The following HPR variants were observed in gnomAD, a reference collection of about 807,000 sequenced individuals.
The protein encoded by HPR is haptoglobin-related protein.
HPR carries 17 observed loss-of-function variants against 18.5 expected under a neutral mutation model. The ratio of observed to expected loss-of-function variants is 0.92; its 90% confidence interval spans 0.63 to 1.38. The LOEUF (loss-of-function observed/expected upper bound fraction) is 1.38, where lower values mean the gene tolerates loss of function less well. HPR is among the 40% of genes most tolerant of loss of function. The probability of loss-of-function intolerance (pLI) is 0.00; values close to 1 mark genes in which losing one functional copy is unlikely to be tolerated. For synonymous variants in HPR, 176 were observed against 165.0 expected (o/e 1.07, Z -0.51); for missense variants, 457 against 432.4 (o/e 1.06, Z -0.51).
intron 1 of HPR, among the ~76,000 whole-genome samples, chr16:72,069,065 A>G (rs1416156622): frequency 1.3e-5 from 2 of 152,212 alleles, no homozygotes; most frequent in Admixed American, 1.3e-4. Context: ...GTATAAGAAC[A>G]GAGTCAAGAA....
chr16:72,072,863 G>A (rs367896674), intron 1 of HPR, among the ~76,000 whole-genome samples: 9 of 152,300 alleles, frequency 5.9e-5, no homozygotes, highest in East Asian at 5.8e-4. Flanking sequence ...CAGGGGGATT[G>A]TTAAATACAG....
At position 72,077,045 on chromosome 16, in the gene HPR, C is replaced by T; in HGVS notation, c.1011C>T (p.Ile337=). Residue 337 remains isoleucine (I), a synonymous_variant, in exon 5 of 5, where the codon ATC becomes ATT. Coordinates refer to ENST00000540303, the MANE Select transcript of HPR (RefSeq NM_020995.4). The stretch of plus-strand genomic sequence containing the variant: ...GTGTGTATGTGAAGGTGACTTCCAT[C>T]CAGCACTGGGTTCAGAAGACCATAG... The part of the protein sequence containing the change: ...EYGVYVKVTS[I]QHWVQKTIAE... 6.2e-7 allele frequency: 1 copy of T among 1,613,800 alleles called. No homozygotes were observed. The highest frequency in any genetic ancestry group is 8.5e-7 in the Non-Finnish European group (1 of 1,179,916).
At chr16:72,070,330 T>G (rs1171873346) in intron 1 of HPR, among the ~76,000 whole-genome samples, 1 of 152,220 alleles carries the variant, frequency 6.6e-6, no homozygotes, top group African/African-American at 2.4e-5. Flanking sequence ...TTCTCTTCCC[T>G]TAAGACTAAA....
chr16:72,073,226 C>T (rs970841762), intron 1 of HPR, among the ~76,000 whole-genome samples: 1 of 152,302 alleles, frequency 6.6e-6, no homozygotes. Flanking sequence ...GACATAAAAA[C>T]CTCTGCTTTC....
At chr16:72,069,709 T>C (rs1447179181) in intron 1 of HPR, among the ~76,000 whole-genome samples, 1 of 152,194 alleles carries the variant, frequency 6.6e-6, no homozygotes, top group Admixed American at 6.5e-5. Context: ...TTGCTTAATA[T>C]GTAAAAAGAC....
intron 1 of HPR, among the ~76,000 whole-genome samples, chr16:72,071,147 G>C (rs2041651195): frequency 6.6e-6 from 1 of 152,192 alleles, no homozygotes; most frequent in South Asian, 2.1e-4. Context: ...TGGGAAACGA[G>C]TGGAATCTAA....
intron 3 of HPR, chr16:72,074,669 A>G: frequency 2.8e-6 from 2 of 708,420 alleles, no homozygotes; most frequent in Non-Finnish European, 5.2e-6. Context: ...GTGGGAAAAG[A>G]AGGAATGCTG....
At chr16:72,070,617 C>T (rs2041644635) in intron 1 of HPR, among the ~76,000 whole-genome samples, 1 of 152,206 alleles carries the variant, frequency 6.6e-6, no homozygotes, top group South Asian at 2.1e-4. Flanking sequence ...TTAATAATCA[C>T]TTGTTTATTT....
intron 2 of HPR, 106 bp from the exon 3 acceptor site, chr16:72,074,178 G>T: frequency 7.9e-7 from 1 of 1,263,072 alleles, no homozygotes; most frequent in Non-Finnish European, 1.2e-6. Context: ...TCTATTTGGG[G>T]TAGAAGGAGA....
chr16:72,072,696 T>G (rs1321991807), intron 1 of HPR, among the ~76,000 whole-genome samples: 1 of 152,112 alleles, frequency 6.6e-6, no homozygotes, highest in African/African-American at 2.4e-5. Flanking sequence ...TGCCCTAGGA[T>G]TAATACAAAA....
At chr16:72,067,199 A>C (rs926698558) in intron 1 of HPR, among the ~76,000 whole-genome samples, 1 of 152,192 alleles carries the variant, frequency 6.6e-6, no homozygotes, top group African/African-American at 2.4e-5. Context: ...TATTATCTTG[A>C]GTCCCACCAG....
chr16:72,067,188 A>C (rs1471883308), intron 1 of HPR, among the ~76,000 whole-genome samples: 4 of 152,166 alleles, frequency 2.6e-5, no homozygotes, highest in African/African-American at 9.6e-5. Context: ...GGCTCTGTCT[A>C]TATTATCTTG....
At chr16:72,072,595 G>T (rs1215851836) in intron 1 of HPR, among the ~76,000 whole-genome samples, 1 of 152,084 alleles carries the variant, frequency 6.6e-6, no homozygotes, top group Non-Finnish European at 1.5e-5. Flanking sequence ...AAATTCTTTG[G>T]CAAATGGAAG....
At chr16:72,075,818 CT>C (rs1318311485) in intron 4 of HPR, among the ~76,000 whole-genome samples, 1 of 151,112 alleles carries the variant, frequency 6.6e-6, no homozygotes, top group South Asian at 2.1e-4. Flanking sequence ...CTAGCCCTTT[CT>C]TTTTTCTTTC....
chr16:72,067,640 C>G (rs78181699), intron 1 of HPR, among the ~76,000 whole-genome samples: 1 of 152,116 alleles, frequency 6.6e-6, no homozygotes, highest in African/African-American at 2.4e-5. Flanking sequence ...CTAAACACCC[C>G]GCACTGGGAA....
At chr16:72,069,169 CT>C (rs1567588732) in intron 1 of HPR, among the ~76,000 whole-genome samples, 31 of 152,296 alleles carry the variant, frequency 2.0e-4, no homozygotes, top group African/African-American at 7.2e-4. Context: ...ACCATCTATA[CT>C]GATTCTAAGT....
intron 2 of HPR, 40 bp from the exon 3 acceptor site, chr16:72,074,244 T>C (rs752299025): frequency 6.3e-6 from 10 of 1,579,834 alleles, no homozygotes; most frequent in African/African-American, 2.7e-5. Flanking sequence ...CTGGGAACAA[T>C]TTCCAAATGG....
intron 3 of HPR, 135 bp downstream of exon 3, chr16:72,074,520 C>G: frequency 2.4e-6 from 2 of 845,580 alleles, no homozygotes; most frequent in Middle Eastern, 4.3e-4. Flanking sequence ...TTCTGATAAG[C>G]GTTTTGTCGC....
In HPR at chr16:72,074,389, A is replaced by C; in HGVS notation, c.193+4A>C. 6.3e-7 allele frequency: 1 copy of C among 1,596,432 alleles called. No individual in the cohort carries two copies. The highest frequency in any genetic ancestry group is 2.2e-5 in the East Asian group (1 of 44,712). On this transcript the variant is annotated splice_donor_region_variant and intron_variant, in intron 3 of 4. Coordinates refer to ENST00000540303, the MANE Select transcript of HPR (RefSeq NM_020995.4). ...AGACTGCGCACAGAAGGAGATGGTAAGACCTGGACAACTATCTCTGTGCTC... is the reference window on the plus strand; with the variant it reads ...AGACTGCGCACAGAAGGAGATGGTACGACCTGGACAACTATCTCTGTGCTC...
Sources: allele counts gnomAD v4.1 joint callset (sites outside exome capture counted in the v4.1 genomes callset), GRCh38; gene constraint gnomAD v4.1.1; transcripts MANE v1.5; gene names NCBI Gene and HGNC (gene_info 2026-07-23, HGNC 2026-07-21).